Variants in SFT2D2 observed in about 807,000 individuals in gnomAD.
SFT2D2 encodes the protein vesicle transport protein SFT2B.
Under a neutral mutation model 27.4 loss-of-function variants are expected in SFT2D2, and 21 were observed. That is an observed-to-expected ratio of 0.77 (90% CI 0.54 to 1.10). The LOEUF (loss-of-function observed/expected upper bound fraction) is 1.10, where lower values mean the gene tolerates loss of function less well. Ranked by LOEUF, SFT2D2 falls within the 50% of genes least tolerant of loss-of-function variation. SFT2D2 has a pLI of 0.00. For missense variants in SFT2D2, 187 were observed against 194.2 expected, an observed-to-expected ratio of 0.96 and a Z score of 0.22; for synonymous variants, 72 against 71.7, an observed-to-expected ratio of 1.00 and a Z score of -0.02.
At position 168,226,061 on chromosome 1, in the gene SFT2D2, T is replaced by C; in HGVS notation, c.-19T>C. 6.6e-7 allele frequency: 1 copy of C among 1,507,938 alleles called. No homozygotes were observed. The highest frequency in any genetic ancestry group is 8.9e-7 in the Non-Finnish European group (1 of 1,125,632). The allele number at this position is 1,507,938 out of a possible 1,614,324, so 93.4% of individuals were successfully genotyped here. A position where few individuals can be genotyped will look rare whatever the true frequency, so the allele number is the denominator to read the frequency against. On this transcript the variant is annotated 5_prime_UTR_variant, in exon 1 of 8. Coordinates refer to ENST00000271375, the MANE Select transcript of SFT2D2 (RefSeq NM_199344.3). ...CAGGCTGCCGCTGAGGAGCTGGAGC[T>C]GGTGGGGACTGGGCCGCAATGGACA...
intron 3 of SFT2D2, among the ~76,000 whole-genome samples, chr1:168,232,532 T>C (rs1647353944): frequency 6.6e-6 from 1 of 152,208 alleles, no homozygotes; most frequent in African/African-American, 2.4e-5. Context: ...TCAGTCATCT[T>C]GTTTCCCCCT....
rs3062328 is a variant in SFT2D2 at position 168,245,564 on chromosome 1, C to CTTTTT, written c.*3038_*3042dup. 4.1e-5 allele frequency: 5 copies of CTTTTT among 122,096 alleles called. No homozygotes were observed. The highest frequency in any genetic ancestry group is 1.7e-4 in the Admixed American group (2 of 11,436). 7.6% of individuals were successfully genotyped at this position (122,096 alleles called of 1,614,324 possible). On this transcript the variant is annotated 3_prime_UTR_variant, in exon 8 of 8. Transcript: ENST00000271375. ...CAGTCCCCATCCAAAGCCAAGCAGG[C>CTTTTT]TTTTTTTTTTTTTTTTTTGTAGAAA...
rs1647579386 is a variant in SFT2D2 at position 168,239,050 on chromosome 1, T to C, written c.414-81T>C. On this transcript the variant is annotated intron_variant, in intron 6 of 7. Transcript: ENST00000271375. The stretch of plus-strand genomic sequence containing the variant: ...CTGGATAGATCACTGCAGGTATTCT[T>C]ACAGCTCAGAAGCCCATTCTGCTGG... The C allele has an allele frequency of 6.6e-6, 7 of 1,067,050 alleles. No individual in the cohort carries two copies. The Admixed American group carries it at 1.0e-4, about 16-fold the overall frequency. 66.1% of individuals were successfully genotyped at this position (1,067,050 alleles called of 1,614,324 possible).
At position 168,231,569 on chromosome 1, in the gene SFT2D2, GTT is replaced by G. The variant is rs761551472; in HGVS notation, c.122_123del (p.Phe41CysfsTer32). The G allele has an allele frequency of 1.2e-6, 2 of 1,613,992 alleles. No homozygotes were observed. The highest frequency in any genetic ancestry group is 1.7e-6 in the Non-Finnish European group (2 of 1,180,020). On this transcript the variant is annotated frameshift_variant, in exon 2 of 8. Transcript: ENST00000271375. LOFTEE classifies it high-confidence loss of function. ...ACCAGGATAAAAGGCTTCATTGCGT[GTT>G]TTGCTATAGGAATTCTCTGCTCACT...
Position 168,246,287 on chromosome 1 carries a change from G to T in SFT2D2, c.*3747G>T. On this transcript the variant is annotated 3_prime_UTR_variant, in exon 8 of 8. Coordinates refer to ENST00000271375, the MANE Select transcript of SFT2D2 (RefSeq NM_199344.3). The stretch of plus-strand genomic sequence containing the variant: ...TATCAATTACTGTTTTTTCTTGATT[G>T]TCAGCTTTGTTGTGAACATCATCCA... 2 of 391,892 alleles carry T rather than the reference G, an allele frequency of 5.1e-6. No homozygotes were observed. The highest frequency in any genetic ancestry group is 8.1e-4 in the Middle Eastern group (1 of 1,242). 24.3% of individuals were successfully genotyped at this position (391,892 alleles called of 1,614,324 possible). A position where few individuals can be genotyped will look rare whatever the true frequency, so the allele number is the denominator to read the frequency against.
In SFT2D2 at chr1:168,252,377, AAT is replaced by A. The variant is rs1647970212; in HGVS notation, c.*9838_*9839del. 6.6e-6 allele frequency: 1 copy of A among 152,164 alleles called. No individual in the cohort carries two copies. Among genetic ancestry groups the A allele is most frequent in the Non-Finnish European group, 1.5e-5 (1 of 68,018 alleles). 9.4% of individuals were successfully genotyped at this position (152,164 alleles called of 1,614,324 possible). The stretch of plus-strand genomic sequence containing the variant: ...CCTTGTGAGGCATCCTTAAAGGACA[AAT>A]TGCAGCTGGTATTTGGGTGAATGTT... On this transcript the variant is annotated 3_prime_UTR_variant, in exon 8 of 8. Transcript: ENST00000271375.
At chr1:168,232,005 G>A (rs1383107931) in intron 3 of SFT2D2, 86 bp downstream of exon 3, 16 of 1,059,272 alleles carry the variant, frequency 1.5e-5, no homozygotes, top group Non-Finnish European at 2.0e-5. Flanking sequence ...TGAAAGAGGA[G>A]GCTCCAGTAG....
Position 168,248,211 on chromosome 1 carries a change from T to C in SFT2D2, c.*5671T>C, listed in dbSNP as rs1373941700. Reference sequence around the variant, plus strand: ...TGTCTATTTTGGCTTTTGTTGCCATTGCTTTTGGTGTTTTAGTCGTGAAGT... The same window carrying C: ...TGTCTATTTTGGCTTTTGTTGCCATCGCTTTTGGTGTTTTAGTCGTGAAGT... On this transcript the variant is annotated 3_prime_UTR_variant, in exon 8 of 8. Coordinates refer to ENST00000271375, the MANE Select transcript of SFT2D2 (RefSeq NM_199344.3). 3 of 152,264 alleles carry C rather than the reference T, an allele frequency of 2.0e-5. No individual in the cohort carries two copies. Among genetic ancestry groups the C allele is most frequent in the Non-Finnish European group, 4.4e-5 (3 of 68,054 alleles). 9.4% of individuals were successfully genotyped at this position (152,264 alleles called of 1,614,324 possible).
chr1:168,229,370 A>G (rs1700490618), intron 1 of SFT2D2, among the ~76,000 whole-genome samples: 1 of 152,198 alleles, frequency 6.6e-6, no homozygotes, highest in Admixed American at 6.5e-5. Flanking sequence ...AGCAATCTAG[A>G]TGTCAAAGCC....
At position 168,246,134 on chromosome 1, in the gene SFT2D2, T is replaced by C; in HGVS notation, c.*3594T>C. ...TACTTCTCTTTCTGCTTTCTCTCTT[T>C]CATATTGACATTGTTTTTCTTTCAA... On this transcript the variant is annotated 3_prime_UTR_variant, in exon 8 of 8. Transcript: ENST00000271375. 4.1e-6 allele frequency: 1 copy of C among 245,508 alleles called. No individual in the cohort carries two copies. Among genetic ancestry groups the C allele is most frequent in the South Asian group, 4.4e-5 (1 of 22,936 alleles). The allele number at this position is 245,508 out of a possible 1,614,324, so 15.2% of individuals were successfully genotyped here.
At chr1:168,239,108 C>G (rs781711278) in intron 6 of SFT2D2, 23 bp from the exon 7 acceptor site, 1 of 1,590,262 alleles carries the variant, frequency 6.3e-7, no homozygotes, top group Admixed American at 1.7e-5. Context: ...TCATTTGACC[C>G]TTTGTTTTGT....
intron 6 of SFT2D2, among the ~76,000 whole-genome samples, chr1:168,238,304 A>G (rs1256537095): frequency 5.3e-5 from 8 of 152,114 alleles, no homozygotes; most frequent in African/African-American, 1.9e-4. Context: ...GGAGCAGAGC[A>G]GAAAATTTAT....
intron 1 of SFT2D2, chr1:168,229,586 G>A (rs1327622762): frequency 6.6e-6 from 1 of 152,044 alleles, no homozygotes; most frequent in South Asian, 2.1e-4. Context: ...TCCTACTACC[G>A]TTCTTCTTCC....
At position 168,243,499 on chromosome 1, in the gene SFT2D2, A is replaced by G. The variant is rs1184681377; in HGVS notation, c.*959A>G. On this transcript the variant is annotated 3_prime_UTR_variant, in exon 8 of 8. Transcript: ENST00000271375. The stretch of plus-strand genomic sequence containing the variant: ...CAGCAGGAAGTAGGCACGCCTGCCC[A>G]GTGACCTTTAAATAGTCCCAGTGTT... 1 of 152,238 alleles carries G rather than the reference A, an allele frequency of 6.6e-6. No homozygotes were observed. The highest frequency in any genetic ancestry group is 1.9e-4 in the East Asian group (1 of 5,190). 9.4% of individuals were successfully genotyped at this position (152,238 alleles called of 1,614,324 possible). A position where few individuals can be genotyped will look rare whatever the true frequency, so the allele number is the denominator to read the frequency against.
intron 6 of SFT2D2, among the ~76,000 whole-genome samples, chr1:168,237,078 C>T (rs566133659): frequency 2.6e-5 from 4 of 152,040 alleles, no homozygotes; most frequent in African/African-American, 4.8e-5. Flanking sequence ...CACTCATGTC[C>T]GGTAAGTGCA....
Position 168,235,145 on chromosome 1 carries a change from T to C in SFT2D2, c.281T>C (p.Phe94Ser), listed in dbSNP as rs757410434. Residue 94 changes from phenylalanine (F) to serine (S), a missense_variant, in exon 4 of 8, where the codon TTT (phenylalanine) becomes TCT (serine). Coordinates refer to ENST00000271375, the MANE Select transcript of SFT2D2 (RefSeq NM_199344.3). ...CCAGTGAAACAGCTGAAGCGAATGT[T>C]TGAGCCTACTCGTTTGATTGCAACT... is the stretch of plus-strand genomic sequence containing the variant. ...MGPVKQLKRM[F>S]EPTRLIATIM... The C allele has an allele frequency of 6.2e-7, 1 of 1,614,244 alleles. No individual in the cohort carries two copies. The highest frequency in any genetic ancestry group is 1.3e-5 in the African/African-American group (1 of 75,066).
At chr1:168,229,652 C>G (rs1054965451) in intron 1 of SFT2D2, 30 of 152,490 alleles carry the variant, frequency 2.0e-4, no homozygotes, top group African/African-American at 7.0e-4. Flanking sequence ...ACAAGCCAGG[C>G]CAATCCTACT....
Position 168,244,675 on chromosome 1 carries a change from T to C in SFT2D2, c.*2135T>C, listed in dbSNP as rs1021339639. 3.3e-5 allele frequency: 5 copies of C among 152,262 alleles called. No homozygotes were observed. The highest frequency in any genetic ancestry group is 7.3e-5 in the Non-Finnish European group (5 of 68,126). The allele number at this position is 152,262 out of a possible 1,614,324, so 9.4% of individuals were successfully genotyped here. A position where few individuals can be genotyped will look rare whatever the true frequency, so the allele number is the denominator to read the frequency against. ...GGGATTCTTTCACATCCCAGGTGCC[T>C]CTTGGAGACAGATCTCAGAAGGGCT... On this transcript the variant is annotated 3_prime_UTR_variant, in exon 8 of 8. Coordinates refer to ENST00000271375, the MANE Select transcript of SFT2D2 (RefSeq NM_199344.3).
In SFT2D2 at chr1:168,243,020, A is replaced by G. The variant is rs1334718114; in HGVS notation, c.*480A>G. The G allele has an allele frequency of 1.2e-5, 2 of 170,426 alleles. No individual in the cohort carries two copies. The highest frequency in any genetic ancestry group is 5.6e-5 in the Admixed American group (1 of 17,850). 10.6% of individuals were successfully genotyped at this position (170,426 alleles called of 1,614,324 possible). ...TGCTTCTACTCTGGCATCTGAGAAC[A>G]AGTGACTCTGCTTTAGACAAGCCCC... On this transcript the variant is annotated 3_prime_UTR_variant, in exon 8 of 8. Coordinates refer to ENST00000271375, the MANE Select transcript of SFT2D2 (RefSeq NM_199344.3).
Sources: allele counts gnomAD v4.1 joint callset (sites outside exome capture counted in the v4.1 genomes callset), GRCh38; gene constraint gnomAD v4.1.1; transcripts MANE v1.5; gene names NCBI Gene and HGNC (gene_info 2026-07-23, HGNC 2026-07-21).